PLCH1: variants seen among roughly 807,000 people sequenced by gnomAD.
PLCH1 encodes phospholipase C eta 1.
A neutral mutation model predicts 126.7 loss-of-function variants in PLCH1; 60 were observed. That is an observed-to-expected ratio of 0.47 (90% CI 0.38 to 0.59). The LOEUF is 0.59. Ranked by LOEUF, PLCH1 falls within the 20% of genes least tolerant of loss-of-function variation. The probability of loss-of-function intolerance (pLI) is 0.00; values close to 1 mark genes in which losing one functional copy is unlikely to be tolerated. For missense variants in PLCH1, 1,723 were observed against 2,040.0 expected (o/e 0.84, Z 2.99); for synonymous variants, 719 against 734.9 (o/e 0.98, Z 0.35).
intron 2 of PLCH1, among the ~76,000 whole-genome samples, chr3:155,648,204 C>T (rs1740277766): frequency 6.6e-6 from 1 of 152,184 alleles, no homozygotes; most frequent in Non-Finnish European, 1.5e-5. Flanking sequence ...TCACAGTCCC[C>T]AGGGAACAAT....
intron 2 of PLCH1, among the ~76,000 whole-genome samples, chr3:155,669,876 T>C (rs182994031): frequency 6.6e-6 from 1 of 152,318 alleles, no homozygotes; most frequent in East Asian, 1.9e-4. Flanking sequence ...CTTCGTTCTC[T>C]TTTGTTGATC....
chr3:155,589,820 T>A (rs1731866460), intron 4 of PLCH1, among the ~76,000 whole-genome samples: 1 of 152,246 alleles, frequency 6.6e-6, no homozygotes, highest in African/African-American at 2.4e-5. Flanking sequence ...GTAAACTGCT[T>A]ATTAAGTGCT....
chr3:155,730,368 G>A (rs904074138), intron 1 of PLCH1, among the ~76,000 whole-genome samples: 8 of 151,548 alleles, frequency 5.3e-5, no homozygotes, highest in Admixed American at 5.3e-4. Context: ...TACAACCTCC[G>A]CCTCCTGGGT....
intron 21 of PLCH1, among the ~76,000 whole-genome samples, chr3:155,470,356 C>T (rs1157534842): frequency 3.3e-5 from 5 of 151,920 alleles, no homozygotes; most frequent in Non-Finnish European, 7.4e-5. Context: ...TGAAATGAAG[C>T]GAGAAGGGAA....
At chr3:155,604,076 G>A (rs1734070439) in intron 2 of PLCH1, among the ~76,000 whole-genome samples, 1 of 152,110 alleles carries the variant, frequency 6.6e-6, no homozygotes, top group Non-Finnish European at 1.5e-5. Context: ...CCCAGCCTGG[G>A]AGATAGAGCA....
At position 155,462,154 on chromosome 3, in the gene PLCH1, A is replaced by G. The variant is rs75580926; in HGVS notation, c.2938+23202T>C. Among the ~76,000 whole-genome samples, 136 of 152,314 alleles carry G rather than the reference A, an allele frequency of 8.9e-4. 3 individuals are homozygous for G. The East Asian group carries it at 0.021, about 23-fold the overall frequency. On this transcript the variant is annotated intron_variant, in intron 21 of 21. Transcript: ENST00000494598. ...AAGCAAGAAAAGAATTACTGTACTT[A>G]CTAGTTTAACAAACCCTGATTGCTA...
chr3:155,465,014 C>A (rs921671354), intron 21 of PLCH1, among the ~76,000 whole-genome samples: 1 of 149,506 alleles, frequency 6.7e-6, no homozygotes, highest in African/African-American at 2.5e-5. Context: ...GAGGCTGAGG[C>A]AGGAGAATGG....
chr3:155,639,263 A>G (rs1358622842), intron 2 of PLCH1, among the ~76,000 whole-genome samples: 2 of 152,000 alleles, frequency 1.3e-5, no homozygotes, highest in Non-Finnish European at 2.9e-5. Flanking sequence ...GTTCGAGACC[A>G]GCCTGGGAAA....
intron 17 of PLCH1, among the ~76,000 whole-genome samples, chr3:155,493,913 C>G (rs79976979): frequency 0.014 from 2,191 of 152,220 alleles, 53 homozygotes; most frequent in African/African-American, 0.05. Context: ...CTTTCACACA[C>G]GACCTCTCAA....
chr3:155,627,893 C>G (rs55783463), intron 2 of PLCH1, among the ~76,000 whole-genome samples: 73,303 of 151,022 alleles, frequency 0.49, 20,155 homozygotes, highest in African/African-American at 0.74. Flanking sequence ...TCAGCCTCCA[C>G]AGTAGCTGGG....
intron 2 of PLCH1, among the ~76,000 whole-genome samples, chr3:155,624,778 G>A (rs919656689): frequency 2.6e-5 from 4 of 152,202 alleles, no homozygotes; most frequent in Middle Eastern, 3.4e-3. Flanking sequence ...CCATGCTCAC[G>A]GATAGGAAGA....
chr3:155,686,767 A>AG (rs1259127706), intron 2 of PLCH1, among the ~76,000 whole-genome samples: 5 of 152,222 alleles, frequency 3.3e-5, no homozygotes, highest in African/African-American at 9.6e-5. Context: ...TCATTCTAGA[A>AG]GGGGTCTCAG....
At chr3:155,523,752 G>T (rs112859743) in intron 11 of PLCH1, 145 bp downstream of exon 11, 2 of 553,466 alleles carry the variant, frequency 3.6e-6, no homozygotes, top group Non-Finnish European at 6.3e-6. Flanking sequence ...ATGTCTATGT[G>T]CCAGCAAATA....
chr3:155,558,953 A>T (rs1577008958), intron 8 of PLCH1, among the ~76,000 whole-genome samples: 1 of 152,074 alleles, frequency 6.6e-6, no homozygotes, highest in Non-Finnish European at 1.5e-5. Flanking sequence ...AGCCTTCAGG[A>T]ACATCTAAAT....
Position 155,482,656 on chromosome 3 carries a change from T to G in PLCH1, c.3370A>C (p.Asn1124His), listed in dbSNP as rs1368262084. 6.2e-7 allele frequency: 1 copy of G among 1,614,076 alleles called. No individual in the cohort carries two copies. The highest frequency in any genetic ancestry group is 8.5e-7 in the Non-Finnish European group (1 of 1,180,050). Residue 1124 changes from asparagine to histidine, a missense_variant, in exon 23 of 23, where the codon AAC (asparagine) becomes CAC (histidine). This residue lies in a region of PLCH1 where 947 missense variants were observed against 977.1 expected (regional missense o/e 0.97). Coordinates refer to ENST00000460012, the MANE Select transcript of PLCH1 (RefSeq NM_014996.4). ...ILSGSVLSHS[N>H]LEIKNLEGNR... ...CCTTCCAGGTTCTTAATTTCTAGGT[T>G]GCTATGAGAAAGGACGCTTCCTGAC...
At chr3:155,576,626 T>C (rs957742457) in intron 6 of PLCH1, among the ~76,000 whole-genome samples, 1 of 152,218 alleles carries the variant, frequency 6.6e-6, no homozygotes, top group Non-Finnish European at 1.5e-5. Context: ...AAAAGTTGAA[T>C]ATCCTGGTGT....
intron 2 of PLCH1, among the ~76,000 whole-genome samples, chr3:155,679,149 C>G (rs1436199080): frequency 6.6e-6 from 1 of 152,126 alleles, no homozygotes; most frequent in Non-Finnish European, 1.5e-5. Flanking sequence ...AACAAGACAC[C>G]CAGTTAAATT....
At chr3:155,672,033 A>G (rs1443787620) in intron 2 of PLCH1, among the ~76,000 whole-genome samples, 3 of 152,204 alleles carry the variant, frequency 2.0e-5, no homozygotes, top group Non-Finnish European at 2.9e-5. Context: ...GACTAAAATC[A>G]TAAAAATAAA....
rs533589527 is a variant in PLCH1, at chr3:155,605,439, T to G, written c.80-9061A>C. Among the ~76,000 whole-genome samples the G allele has an allele frequency of 2.8e-4, 43 of 152,214 alleles. 1 individual carries two copies. Among genetic ancestry groups the G allele is most frequent in the Non-Finnish European group, 5.7e-4 (39 of 68,034 alleles). On this transcript the variant is annotated intron_variant, in intron 2 of 22. Coordinates refer to ENST00000460012, the MANE Select transcript of PLCH1 (RefSeq NM_014996.4). ...ATTACCATTTGACTTTAAAGAACTTTTGGATTGAGTTGCTATTAGAACTAA... is the reference window on the plus strand; with the variant it reads ...ATTACCATTTGACTTTAAAGAACTTGTGGATTGAGTTGCTATTAGAACTAA...
Sources: gnomAD v4.1 joint callset for allele counts (sites outside exome capture counted in the v4.1 genomes callset) on GRCh38, gnomAD v4.1.1 for gene constraint, gnomAD v4.1.1 regional missense constraint, MANE v1.5 for transcripts, NCBI Gene and HGNC (gene_info 2026-07-23, HGNC 2026-07-21) for gene names.